Variants in NFYC observed in about 807,000 individuals in gnomAD.
NFYC encodes nuclear transcription factor Y subunit gamma.
A neutral mutation model predicts 53.1 loss-of-function variants in NFYC; 25 were observed. That is an observed-to-expected ratio of 0.47 (90% confidence interval 0.34 to 0.66). The LOEUF (loss-of-function observed/expected upper bound fraction) is 0.66, where lower values mean the gene tolerates loss of function less well. Among genes scored for constraint, NFYC ranks in the 30% least tolerant of loss-of-function variants. NFYC has a pLI of 0.01. For missense variants in NFYC, 260 were observed against 422.7 expected, an observed-to-expected ratio of 0.62 and a Z score of 3.38; for synonymous variants, 145 against 152.6, an observed-to-expected ratio of 0.95 and a Z score of 0.37.
At chr1:40,718,718 G>A (rs1644227192) in intron 1 of NFYC, among the ~76,000 whole-genome samples, 1 of 152,152 alleles carries the variant, frequency 6.6e-6, no homozygotes, top group Non-Finnish European at 1.5e-5. Context: ...ATAGATATGT[G>A]GTTAGAATTG....
rs1015034179 is a variant in NFYC at position 40,747,703 on chromosome 1, C to G, written c.177+98C>G. 5.9e-5 allele frequency: 47 copies of G among 800,456 alleles called. 1 individual carries two copies. Among genetic ancestry groups the G allele is most frequent in the Admixed American group, 2.0e-4 (8 of 40,202 alleles). 49.6% of individuals were successfully genotyped at this position (800,456 alleles called of 1,614,324 possible). On this transcript the variant is annotated intron_variant, in intron 3 of 9. Transcript: ENST00000447388. ...AGCTCAAAGTTTAATTAAACAAGAA[C>G]ACACAAAAATTACTGTCTGTTGCTT... is the stretch of plus-strand genomic sequence containing the variant.
At chr1:40,696,573 A>G (rs1021625572) in intron 1 of NFYC, among the ~76,000 whole-genome samples, 1 of 152,188 alleles carries the variant, frequency 6.6e-6, no homozygotes, top group African/African-American at 2.4e-5. Context: ...ATAGGTGCTC[A>G]TTCCACTGGA....
intron 5 of NFYC, chr1:40,757,828 G>T: frequency 4.0e-6 from 2 of 497,344 alleles, no homozygotes; most frequent in South Asian, 2.1e-5. Context: ...CTGGTGTGTG[G>T]TTTTTAGTTA....
chr1:40,701,636 T>C (rs1431385993), intron 1 of NFYC, among the ~76,000 whole-genome samples: 2 of 152,232 alleles, frequency 1.3e-5, no homozygotes, highest in Admixed American at 1.3e-4. Context: ...TGCATTTGCA[T>C]GTGTTGTAAC....
intron 1 of NFYC, among the ~76,000 whole-genome samples, chr1:40,708,495 C>CT (rs1316612518): frequency 6.6e-6 from 1 of 152,154 alleles, no homozygotes; most frequent in Non-Finnish European, 1.5e-5. Context: ...AATGTTCTAG[C>CT]TTTTTTGTCA....
chr1:40,771,513 C>CTTTTAT lies in NFYC; in HGVS notation c.*690_*695dup, dbSNP rs746775967. The CTTTTAT allele has an allele frequency of 4.4e-6, 2 of 453,726 alleles. No homozygotes were observed. Among genetic ancestry groups the CTTTTAT allele is most frequent in the South Asian group, 3.2e-5 (2 of 61,762 alleles). The allele number at this position is 453,726 out of a possible 1,614,324, so 28.1% of individuals were successfully genotyped here. On this transcript the variant is annotated 3_prime_UTR_variant, in exon 10 of 10. Transcript: ENST00000447388. ...CTTTGTGTGTTTGCTGCCCACCTCC[C>CTTTTAT]TTTTATTTTTTAAATGCATTAAAAA...
intron 4 of NFYC, among the ~76,000 whole-genome samples, chr1:40,750,592 C>T (rs948944089): frequency 1.1e-5 from 1 of 94,510 alleles, no homozygotes; most frequent in Non-Finnish European, 2.4e-5. Flanking sequence ...AGTTTTAAAG[C>T]AAAAAAAGCA....
chr1:40,755,466 T>A (rs1314061510), intron 5 of NFYC, among the ~76,000 whole-genome samples: 2 of 152,244 alleles, frequency 1.3e-5, no homozygotes, highest in Non-Finnish European at 2.9e-5. Context: ...GAGTTTCGCT[T>A]GTTCTTCAGA....
intron 9 of NFYC, among the ~76,000 whole-genome samples, 161 bp downstream of exon 9, chr1:40,769,576 A>G (rs997295407): frequency 6.6e-6 from 1 of 152,206 alleles, no homozygotes; most frequent in African/African-American, 2.4e-5. Context: ...CAGGGCACCT[A>G]TCCTTTAGTT....
intron 1 of NFYC, among the ~76,000 whole-genome samples, chr1:40,722,200 T>A (rs897036055): frequency 7.3e-5 from 11 of 151,692 alleles, no homozygotes; most frequent in African/African-American, 2.7e-4. Flanking sequence ...ATAATTAATT[T>A]AAAAAAAGAA....
intron 5 of NFYC, among the ~76,000 whole-genome samples, chr1:40,753,473 G>A (rs1646028333): frequency 6.6e-6 from 1 of 152,210 alleles, no homozygotes; most frequent in African/African-American, 2.4e-5. Context: ...GAAAATGAAA[G>A]ACTTTAGTTA....
intron 1 of NFYC, among the ~76,000 whole-genome samples, chr1:40,719,167 C>T (rs1644247081): frequency 6.6e-6 from 1 of 152,220 alleles, no homozygotes; most frequent in African/African-American, 2.4e-5. Context: ...CGGCGCCTGG[C>T]CCATGGTGTT....
rs1174094795 is a variant in NFYC at position 40,770,111 on chromosome 1, A to G, written c.889-598A>G. On this transcript the variant is annotated intron_variant, in intron 9 of 9. Coordinates refer to ENST00000447388, the MANE Select transcript of NFYC (RefSeq NM_014223.5). This position sits in a 1 kb window ranked among gnomAD's most constrained non-coding sequence, Gnocchi z 5.3. ...TCTTTGGGGAGCGCCTGGGAAACCA[A>G]GTAGTCAATTAGCCCTGACCTTCCT... Among the ~76,000 whole-genome samples, 3 of 152,156 alleles carry G rather than the reference A, an allele frequency of 2.0e-5. No individual in the cohort carries two copies. Among genetic ancestry groups the G allele is most frequent in the Non-Finnish European group, 2.9e-5 (2 of 68,016 alleles).
rs1047797484 is a variant in NFYC at position 40,730,189 on chromosome 1, T to C, written c.-8-8647T>C. ...TCAGCAGGACTGGCTAATTTTTCTT[T>C]CTTTTCTTTTTTTTTTTTTTTTTTT... On this transcript the variant is annotated intron_variant, in intron 1 of 9. Coordinates refer to ENST00000447388, the MANE Select transcript of NFYC (RefSeq NM_014223.5). Among the ~76,000 whole-genome samples, 4 of 145,128 alleles carry C rather than the reference T, an allele frequency of 2.8e-5. No individual in the cohort carries two copies. The Admixed American group carries it at 2.9e-4, about 11-fold the overall frequency.
At chr1:40,734,955 C>A (rs1210915086) in intron 1 of NFYC, 1 of 152,030 alleles carries the variant, frequency 6.6e-6, no homozygotes, top group African/African-American at 2.4e-5. Context: ...ATGGAAAAAT[C>A]ATAAAGGCCA....
chr1:40,761,170 A>G (rs1000025325), intron 6 of NFYC, among the ~76,000 whole-genome samples: 1 of 152,234 alleles, frequency 6.6e-6, no homozygotes. Flanking sequence ...GATACAGTAC[A>G]GTGATGAGTT....
chr1:40,692,959 G>A (rs1374314730), intron 1 of NFYC, among the ~76,000 whole-genome samples: 1 of 152,196 alleles, frequency 6.6e-6, no homozygotes, highest in Admixed American at 6.5e-5. Context: ...AAGGATACAG[G>A]TCATGGCTGA....
Position 40,743,499 on chromosome 1 carries a change from G to A in NFYC, c.106-4035G>A, listed in dbSNP as rs146147679. ...CAGGTGGGCAACAATGCTGAATTTC[G>A]AAAAGAAAAATCTAATTCTCTACTT... is the stretch of plus-strand genomic sequence containing the variant. On this transcript the variant is annotated intron_variant, in intron 2 of 9. Coordinates refer to ENST00000447388, the MANE Select transcript of NFYC (RefSeq NM_014223.5). 6.5e-4 allele frequency among the ~76,000 whole-genome samples: 99 copies of A among 152,290 alleles called. 1 individual carries two copies. Among genetic ancestry groups the A allele is most frequent in the African/African-American group, 2.1e-3 (86 of 41,552 alleles).
intron 3 of NFYC, among the ~76,000 whole-genome samples, chr1:40,749,354 C>T (rs2148672846): frequency 2.0e-5 from 3 of 152,312 alleles, no homozygotes; most frequent in Admixed American, 2.0e-4. Context: ...AAACACCTTG[C>T]ACAAGGTTTG....
Sources: gnomAD v4.1 joint callset for allele counts (sites outside exome capture counted in the v4.1 genomes callset) on GRCh38, gnomAD v4.1.1 for gene constraint, Gnocchi (gnomAD v3.1) non-coding constraint, MANE v1.5 for transcripts, NCBI Gene and HGNC (gene_info 2026-07-23, HGNC 2026-07-21) for gene names.